The following GRIN2A variants were observed in gnomAD, a reference collection of about 807,000 sequenced individuals.
GRIN2A encodes the protein glutamate ionotropic receptor NMDA type subunit 2A, also known as glutamate receptor ionotropic, NMDA 2A.
Under a neutral mutation model 113.4 loss-of-function variants are expected in GRIN2A, and 22 were observed. That is an observed-to-expected ratio of 0.19 (90% CI 0.14 to 0.28). The LOEUF (loss-of-function observed/expected upper bound fraction) is 0.28, where lower values mean the gene tolerates loss of function less well. Ranked by LOEUF, GRIN2A falls within the 10% of genes least tolerant of loss-of-function variation. The probability of loss-of-function intolerance (pLI) is 1.00; values close to 1 mark genes in which losing one functional copy is unlikely to be tolerated. For synonymous variants in GRIN2A, 827 were observed against 738.4 expected, an observed-to-expected ratio of 1.12 and a Z score of -1.94; for missense variants, 1,502 against 1,887.0, an observed-to-expected ratio of 0.80 and a Z score of 3.78.
At chr16:10,132,054 G>A (rs747424671) in intron 2 of GRIN2A, among the ~76,000 whole-genome samples, 5 of 152,076 alleles carry the variant, frequency 3.3e-5, no homozygotes, top group Non-Finnish European at 7.3e-5. Context: ...GAAATAGTCT[G>A]GGCTTGGTGG....
chr16:9,945,193 T>C (rs1336282690), intron 2 of GRIN2A, among the ~76,000 whole-genome samples: 1 of 151,998 alleles, frequency 6.6e-6, no homozygotes, highest in Non-Finnish European at 1.5e-5. Flanking sequence ...AATAGAATAA[T>C]TTCAAGGAAA....
At chr16:9,882,556 A>G (rs891603763) in intron 4 of GRIN2A, among the ~76,000 whole-genome samples, 4 of 152,068 alleles carry the variant, frequency 2.6e-5, no homozygotes, top group South Asian at 2.1e-4. Flanking sequence ...GGAGGTCAAG[A>G]TGGGAGGACT....
intron 2 of GRIN2A, among the ~76,000 whole-genome samples, chr16:10,043,693 G>A (rs2047205976): frequency 2.0e-5 from 3 of 152,056 alleles, no homozygotes; most frequent in South Asian, 4.2e-4. Context: ...GTGCTGAAGG[G>A]TTTTCAAATT....
At chr16:10,136,197 T>A (rs1219593852) in intron 2 of GRIN2A, among the ~76,000 whole-genome samples, 4 of 152,304 alleles carry the variant, frequency 2.6e-5, no homozygotes, top group African/African-American at 9.6e-5. Flanking sequence ...AAGCCCATCA[T>A]CTTCTGCTTT....
At chr16:9,989,479 A>T (rs2046057538) in intron 2 of GRIN2A, among the ~76,000 whole-genome samples, 1 of 152,208 alleles carries the variant, frequency 6.6e-6, no homozygotes, top group African/African-American at 2.4e-5. Context: ...ACATTAGCCT[A>T]GGCAAATAAT....
chr16:9,899,831 C>T (rs1567164229), intron 3 of GRIN2A, among the ~76,000 whole-genome samples: 1 of 152,146 alleles, frequency 6.6e-6, no homozygotes, highest in African/African-American at 2.4e-5. Context: ...CTCTAGGATC[C>T]TGCACACTAA....
At chr16:10,124,971 A>G (rs924148151) in intron 2 of GRIN2A, among the ~76,000 whole-genome samples, 1 of 152,218 alleles carries the variant, frequency 6.6e-6, no homozygotes, top group African/African-American at 2.4e-5. Flanking sequence ...GGGAACCATG[A>G]GGACAAAGCC....
chr16:10,106,812 A>G (rs8061843), intron 2 of GRIN2A, among the ~76,000 whole-genome samples: 6,373 of 152,336 alleles, frequency 0.042, 226 homozygotes, highest in African/African-American at 0.097. Flanking sequence ...AGAGCAGGAC[A>G]TGGAGGGATT....
chr16:10,151,112 C>T (rs2049559255), intron 2 of GRIN2A, among the ~76,000 whole-genome samples: 1 of 152,174 alleles, frequency 6.6e-6, no homozygotes, highest in South Asian at 2.1e-4. Context: ...CATCAATGCC[C>T]TCGGGGAATG....
At chr16:10,112,536 G>T in intron 2 of GRIN2A, 3 of 797,860 alleles carry the variant, frequency 3.8e-6, no homozygotes, top group East Asian at 2.4e-5. Flanking sequence ...GTGATGATGG[G>T]CTCCCTGCTG....
At chr16:9,874,555 A>G (rs1366743149) in intron 4 of GRIN2A, among the ~76,000 whole-genome samples, 1 of 152,208 alleles carries the variant, frequency 6.6e-6, no homozygotes, top group African/African-American at 2.4e-5. Context: ...AGTTTTTATA[A>G]TTAAAGCACT....
intron 2 of GRIN2A, among the ~76,000 whole-genome samples, chr16:9,994,750 C>A (rs1426997308): frequency 6.6e-6 from 1 of 152,154 alleles, no homozygotes; most frequent in African/African-American, 2.4e-5. Flanking sequence ...CATGGAAAAA[C>A]GTAAGGGAGA....
intron 11 of GRIN2A, among the ~76,000 whole-genome samples, chr16:9,778,315 T>G (rs1901730759): frequency 6.6e-6 from 1 of 152,238 alleles, no homozygotes; most frequent in East Asian, 1.9e-4. Context: ...TTCTGGAATC[T>G]GCTTAACCAA....
intron 2 of GRIN2A, among the ~76,000 whole-genome samples, chr16:10,042,234 G>A (rs924752687): frequency 3.3e-5 from 5 of 152,124 alleles, no homozygotes; most frequent in African/African-American, 1.2e-4. Flanking sequence ...CTGTGTGCTT[G>A]GCAACTCTCT....
chr16:9,931,077 C>T (rs9932766), intron 3 of GRIN2A, among the ~76,000 whole-genome samples: 1,875 of 152,252 alleles, frequency 0.012, 42 homozygotes, highest in African/African-American at 0.043. Flanking sequence ...CATAACTCTC[C>T]TGGGATAAGA....
At chr16:9,920,418 T>G (rs2044336588) in intron 3 of GRIN2A, among the ~76,000 whole-genome samples, 1 of 152,192 alleles carries the variant, frequency 6.6e-6, no homozygotes, top group Non-Finnish European at 1.5e-5. Flanking sequence ...AAATGCTCTC[T>G]TTTGAAAGAT....
intron 2 of GRIN2A, among the ~76,000 whole-genome samples, chr16:9,986,762 C>T (rs1159869271): frequency 1.6e-5 from 1 of 63,726 alleles, no homozygotes; most frequent in Non-Finnish European, 3.0e-5. Context: ...AAGACGCTGT[C>T]TCAAAAAAAA....
intron 10 of GRIN2A, among the ~76,000 whole-genome samples, chr16:9,821,097 C>G (rs531434839): frequency 1.3e-5 from 2 of 152,082 alleles, no homozygotes; most frequent in Admixed American, 1.3e-4. Context: ...ACAAAGCCAG[C>G]AGCAAGGCCT....
At chr16:9,796,581 C>G (rs1014085560) in intron 11 of GRIN2A, among the ~76,000 whole-genome samples, 2 of 152,224 alleles carry the variant, frequency 1.3e-5, no homozygotes, top group East Asian at 3.8e-4. Context: ...GTGAACGTGA[C>G]CAAGCAGTGG....
Sources: allele counts gnomAD v4.1 joint callset (sites outside exome capture counted in the v4.1 genomes callset), GRCh38; gene constraint gnomAD v4.1.1; transcripts MANE v1.5; gene names NCBI Gene and HGNC (gene_info 2026-07-23, HGNC 2026-07-21).